The following ANKS1B variants were observed in gnomAD, a reference collection of about 807,000 sequenced individuals.
The protein encoded by ANKS1B is ankyrin repeat and sterile alpha motif domain containing 1B.
ANKS1B carries 36 observed loss-of-function variants against 148.3 expected under a neutral mutation model. That is an observed-to-expected ratio of 0.24 (90% confidence interval 0.19 to 0.32). ANKS1B has a LOEUF of 0.32. Ranked by LOEUF, ANKS1B falls within the 10% of genes least tolerant of loss-of-function variation. The pLI is 1.00. For synonymous variants in ANKS1B, 542 were observed against 560.8 expected (o/e 0.97, Z 0.47); for missense variants, 1,157 against 1,542.6 (o/e 0.75, Z 4.19).
chr12:99,817,985 A>G (rs568814785), intron 2 of ANKS1B, among the ~76,000 whole-genome samples: 3 of 151,902 alleles, frequency 2.0e-5, no homozygotes, highest in African/African-American at 7.2e-5. Flanking sequence ...GGATAACCAT[A>G]TTCAGCAGAA....
intron 14 of ANKS1B, among the ~76,000 whole-genome samples, chr12:99,239,988 G>A (rs140842998): frequency 1.9e-3 from 287 of 152,222 alleles, no homozygotes; most frequent in African/African-American, 6.2e-3. Flanking sequence ...GACCATCAAC[G>A]CTATGAGGAA....
At chr12:99,071,332 T>C (rs1205249937) in intron 16 of ANKS1B, among the ~76,000 whole-genome samples, 1 of 152,244 alleles carries the variant, frequency 6.6e-6, no homozygotes, top group Non-Finnish European at 1.5e-5. Flanking sequence ...ATAAGAAATA[T>C]AGCCAAATTC....
intron 19 of ANKS1B, among the ~76,000 whole-genome samples, chr12:98,827,502 A>T (rs1384583079): frequency 6.6e-6 from 1 of 152,132 alleles, no homozygotes; most frequent in Admixed American, 6.6e-5. Context: ...GACAATTCTC[A>T]TAAGGGATGC....
chr12:98,781,805 C>G (rs955693460), intron 23 of ANKS1B, among the ~76,000 whole-genome samples: 2 of 152,178 alleles, frequency 1.3e-5, no homozygotes, highest in South Asian at 2.1e-4. Flanking sequence ...TAATGATGCT[C>G]TAGAACAATG....
intron 10 of ANKS1B, among the ~76,000 whole-genome samples, chr12:99,463,466 G>A (rs12316863): frequency 0.045 from 6,881 of 152,242 alleles, 455 homozygotes; most frequent in African/African-American, 0.14. Flanking sequence ...CACACCGTGC[G>A]CGAGCCGAAG....
chr12:99,282,509 G>A (rs1164649764), intron 12 of ANKS1B, among the ~76,000 whole-genome samples: 1 of 152,178 alleles, frequency 6.6e-6, no homozygotes, highest in Non-Finnish European at 1.5e-5. Context: ...CGAATAGACT[G>A]TAGGGAAGAG....
At chr12:99,670,838 T>C (rs1482684959) in intron 8 of ANKS1B, among the ~76,000 whole-genome samples, 3 of 152,094 alleles carry the variant, frequency 2.0e-5, no homozygotes, top group Non-Finnish European at 4.4e-5. Context: ...ATTAAGGCAG[T>C]ATGAATGTGC....
Position 99,786,356 on chromosome 12 carries a change from T to C in ANKS1B, c.670-4259A>G, listed in dbSNP as rs557139258. Reference sequence around the variant, plus strand: ...AGTCTGTCAACCAATGCTAGACTAGTGCCTGGACTTTAACCAGCCACTCAA... The same window carrying C: ...AGTCTGTCAACCAATGCTAGACTAGCGCCTGGACTTTAACCAGCCACTCAA... On this transcript the variant is annotated intron_variant, in intron 4 of 26. Coordinates refer to ENST00000683438, the MANE Select transcript of ANKS1B (RefSeq NM_001352186.2). Among the ~76,000 whole-genome samples, 3 of 152,250 alleles carry C rather than the reference T, an allele frequency of 2.0e-5. No homozygotes were observed. The East Asian group carries it at 5.8e-4, about 29-fold the overall frequency.
At chr12:99,153,798 G>T (rs1194125831) in intron 15 of ANKS1B, among the ~76,000 whole-genome samples, 1 of 152,132 alleles carries the variant, frequency 6.6e-6, no homozygotes, top group Admixed American at 6.6e-5. Flanking sequence ...ATGAACTGAA[G>T]GTTGTCCACA....
intron 14 of ANKS1B, among the ~76,000 whole-genome samples, chr12:99,234,538 G>A (rs1261652091): frequency 6.6e-6 from 1 of 152,152 alleles, no homozygotes; most frequent in Admixed American, 6.6e-5. Context: ...ATTTTGGTAT[G>A]ACCACAGCAG....
chr12:99,771,738 T>C (rs2063214225), intron 8 of ANKS1B, among the ~76,000 whole-genome samples: 1 of 151,924 alleles, frequency 6.6e-6, no homozygotes, highest in South Asian at 2.1e-4. Flanking sequence ...GGGCCAATAA[T>C]AGGATGTTTT....
intron 3 of ANKS1B, among the ~76,000 whole-genome samples, chr12:99,810,513 C>G (rs956586167): frequency 3.3e-5 from 5 of 151,752 alleles, no homozygotes; most frequent in Non-Finnish European, 7.4e-5. Flanking sequence ...AAAGAGTATA[C>G]ATATAACAAT....
intron 17 of ANKS1B, among the ~76,000 whole-genome samples, chr12:98,833,578 C>G (rs1054448989): frequency 6.4e-5 from 1 of 15,562 alleles, no homozygotes; most frequent in African/African-American, 2.6e-4. Flanking sequence ...CCCATGATAC[C>G]TTGAATTTTT....
At chr12:99,759,361 G>C (rs1034897088) in intron 8 of ANKS1B, among the ~76,000 whole-genome samples, 1 of 151,924 alleles carries the variant, frequency 6.6e-6, no homozygotes, top group East Asian at 1.9e-4. Context: ...CTATCATAGA[G>C]AATCCCAATT....
chr12:99,723,245 A>G (rs2153557738), intron 8 of ANKS1B, among the ~76,000 whole-genome samples: 1 of 152,306 alleles, frequency 6.6e-6, no homozygotes. Flanking sequence ...GCTGCCTAAC[A>G]CACTAAGCTC....
intron 9 of ANKS1B, among the ~76,000 whole-genome samples, chr12:99,631,556 G>A (rs1480245525): frequency 2.6e-5 from 4 of 152,100 alleles, no homozygotes; most frequent in Admixed American, 2.6e-4. Flanking sequence ...ATTTCGATGA[G>A]GTTTCAAATG....
intron 10 of ANKS1B, among the ~76,000 whole-genome samples, chr12:99,444,811 T>C (rs2095610895): frequency 6.6e-6 from 1 of 152,040 alleles, no homozygotes; most frequent in Non-Finnish European, 1.5e-5. Flanking sequence ...CAAAAGAGAC[T>C]GAGACTGAAT....
At chr12:99,789,050 A>C (rs2065318916) in intron 4 of ANKS1B, among the ~76,000 whole-genome samples, 1 of 152,114 alleles carries the variant, frequency 6.6e-6, no homozygotes, top group Non-Finnish European at 1.5e-5. Flanking sequence ...CACTGCCCTG[A>C]AGATTAGGAT....
intron 17 of ANKS1B, among the ~76,000 whole-genome samples, chr12:99,014,216 C>T (rs1406351824): frequency 6.6e-6 from 1 of 152,104 alleles, no homozygotes; most frequent in Non-Finnish European, 1.5e-5. Flanking sequence ...AGAAATAAGA[C>T]TGCACACCTA....
Sources: gnomAD v4.1 joint callset for allele counts (sites outside exome capture counted in the v4.1 genomes callset) on GRCh38, gnomAD v4.1.1 for gene constraint, MANE v1.5 for transcripts, NCBI Gene and HGNC (gene_info 2026-07-23, HGNC 2026-07-21) for gene names.